Variants in FBXL19 observed in about 807,000 individuals in gnomAD.
The protein encoded by FBXL19 is F-box/LRR-repeat protein 19.
FBXL19 carries 16 observed loss-of-function variants against 71.2 expected under a neutral mutation model. The ratio of observed to expected loss-of-function variants is 0.22; its 90% CI spans 0.15 to 0.34. The LOEUF (loss-of-function observed/expected upper bound fraction) is 0.34. FBXL19 is among the 10% of genes least tolerant of loss of function. FBXL19 has a pLI of 1.00. For synonymous variants in FBXL19, 447 were observed against 409.4 expected (o/e 1.09, Z -1.11); for missense variants, 658 against 968.2 (o/e 0.68, Z 4.25).
chr16:30,934,714 G>GTAAC (rs1269489697), intron 7 of FBXL19, among the ~76,000 whole-genome samples: 5 of 152,120 alleles, frequency 3.3e-5, no homozygotes, highest in Non-Finnish European at 7.4e-5. Flanking sequence ...GGACAGCAGG[G>GTAAC]TAACCCTCAG....
chr16:30,943,032 G>A (rs970257672), intron 9 of FBXL19, among the ~76,000 whole-genome samples: 4 of 152,240 alleles, frequency 2.6e-5, no homozygotes, highest in African/African-American at 9.6e-5. Flanking sequence ...AGCTCCCTGA[G>A]GGCAAGCGCT....
chr16:30,929,945 G>C (rs1040703856), intron 6 of FBXL19, 128 bp from the exon 7 acceptor site: 3 of 1,285,696 alleles, frequency 2.3e-6, no homozygotes, highest in African/African-American at 3.0e-5. Flanking sequence ...CTCACTGTCC[G>C]GAGCAGAGCC....
chr16:30,931,761 C>T (rs1394966233), intron 7 of FBXL19, among the ~76,000 whole-genome samples: 1 of 152,064 alleles, frequency 6.6e-6, no homozygotes, highest in African/African-American at 2.4e-5. Context: ...GAGCCTCACT[C>T]TGTGGCCCAG....
intron 7 of FBXL19, among the ~76,000 whole-genome samples, chr16:30,931,830 G>T (rs1017132484): frequency 6.6e-6 from 1 of 151,780 alleles, no homozygotes; most frequent in African/African-American, 2.4e-5. Flanking sequence ...GGGTTCAAGC[G>T]ATTCCCCTGC....
intron 7 of FBXL19, among the ~76,000 whole-genome samples, chr16:30,934,262 C>G (rs2055707397): frequency 6.6e-6 from 1 of 151,608 alleles, no homozygotes; most frequent in Non-Finnish European, 1.5e-5. Context: ...ACTTGGGAGA[C>G]TGGGACAGGA....
Position 30,930,474 on chromosome 16 carries a change from T to C in FBXL19, c.1191T>C (p.Ala397=), listed in dbSNP as rs2055660190. 2.0e-6 allele frequency: 3 copies of C among 1,534,028 alleles called. No homozygotes were observed. The highest frequency in any genetic ancestry group is 2.6e-6 in the Non-Finnish European group (3 of 1,145,738). Residue 397 remains alanine (A), a synonymous_variant, in exon 7 of 11, where the codon GCT becomes GCC. Coordinates refer to ENST00000338343, the MANE Select transcript of FBXL19 (RefSeq NM_001382779.1). The surrounding 1 kb of genome is among the most constrained non-coding windows in gnomAD (Gnocchi z 8.5). ...CTGAGCCCGACACACTCCCCTTGGC[T>C]GCTGGATCCGACCACCCCCTGCCCC... ...RSPEPDTLPL[A]AGSDHPLPRA...
intron 7 of FBXL19, among the ~76,000 whole-genome samples, chr16:30,937,032 G>A (rs930985913): frequency 6.6e-5 from 10 of 152,188 alleles, no homozygotes; most frequent in East Asian, 1.9e-4. Context: ...GTGAGCCACC[G>A]CACACGCTTG....
intron 9 of FBXL19, among the ~76,000 whole-genome samples, chr16:30,944,124 ATTCAG>A (rs1248758229): frequency 1.4e-5 from 2 of 146,920 alleles, no homozygotes; most frequent in African/African-American, 2.5e-5. Flanking sequence ...TCCTGCTGGA[ATTCAG>A]TTCAGTTCAG....
At position 30,930,329 on chromosome 16, in the gene FBXL19, G is replaced by T. The variant is rs1211961466; in HGVS notation, c.1046G>T (p.Gly349Val). 1 of 1,601,384 alleles carries T rather than the reference G, an allele frequency of 6.2e-7. No individual in the cohort carries two copies. Among genetic ancestry groups the T allele is most frequent in the Middle Eastern group, 1.7e-4 (1 of 5,990 alleles). Residue 349 changes from glycine (G) to valine (V), a missense_variant, in exon 7 of 11, where the codon GGG becomes GTG. Gly to Val is a moderately radical substitution (Grantham distance 109). Coordinates refer to ENST00000338343, the MANE Select transcript of FBXL19 (RefSeq NM_001382779.1). The surrounding 1 kb of genome is among the most constrained non-coding windows in gnomAD (Gnocchi z 8.5). The stretch of plus-strand genomic sequence containing the variant: ...TCTGGCGAGAAGGAGAACCGTGGGG[G>T]GCGGCGGGCTGTGCGCCCTGGCAGT... ...GSSGEKENRG[G>V]RRAVRPGSGG...
At chr16:30,945,289 T>C (rs2055845252) in intron 9 of FBXL19, among the ~76,000 whole-genome samples, 1 of 152,126 alleles carries the variant, frequency 6.6e-6, no homozygotes, top group Admixed American at 6.6e-5. Flanking sequence ...ATCAGAGATC[T>C]TGTCTCCCAA....
intron 7 of FBXL19, among the ~76,000 whole-genome samples, chr16:30,935,514 TG>T (rs1194570923): frequency 6.6e-6 from 1 of 151,944 alleles, no homozygotes; most frequent in Non-Finnish European, 1.5e-5. Flanking sequence ...GGAAGAGGGT[TG>T]GGGCTTTTGA....
At chr16:30,927,082 G>A (rs1186090053) in intron 2 of FBXL19, among the ~76,000 whole-genome samples, 1 of 152,200 alleles carries the variant, frequency 6.6e-6, no homozygotes, top group Non-Finnish European at 1.5e-5. Context: ...AGAGTCCTGC[G>A]AGGGAAAGAT....
At position 30,930,438 on chromosome 16, in the gene FBXL19, G is replaced by A. The variant is rs763734364; in HGVS notation, c.1155G>A (p.Pro385=). ...TGGAGCGGCACGTGGTGCGGCCCCCGCCTCGAAGCCCTGAGCCCGACACAC... is the reference window on the plus strand; with the variant it reads ...TGGAGCGGCACGTGGTGCGGCCCCCACCTCGAAGCCCTGAGCCCGACACAC... ...PQLERHVVRP[P]PRSPEPDTLP... The change falls in exon 7 of 11, where the codon CCG becomes CCA. Residue 385 remains proline, a synonymous_variant. Transcript: ENST00000338343. This position sits in a 1 kb window ranked among gnomAD's most constrained non-coding sequence, Gnocchi z 8.5. The A allele has an allele frequency of 5.2e-6, 8 of 1,530,270 alleles. No individual in the cohort carries two copies. Among genetic ancestry groups the A allele is most frequent in the Admixed American group, 4.0e-5 (2 of 50,014 alleles). 94.8% of individuals were successfully genotyped at this position (1,530,270 alleles called of 1,614,324 possible).
chr16:30,948,131 G>T lies in FBXL19; in HGVS notation c.*901G>T, dbSNP rs940527391. ...GACCGGGCCGGTGGGCGCCCATTTGGGACTGCGCCACCCCCAGGCTTGTTC... is the reference window on the plus strand; with the variant it reads ...GACCGGGCCGGTGGGCGCCCATTTGTGACTGCGCCACCCCCAGGCTTGTTC... On this transcript the variant is annotated 3_prime_UTR_variant, in exon 11 of 11. Transcript: ENST00000338343. The T allele has an allele frequency of 4.5e-6, 1 of 222,226 alleles. No individual in the cohort carries two copies. 13.8% of individuals were successfully genotyped at this position (222,226 alleles called of 1,614,324 possible). A position where few individuals can be genotyped will look rare whatever the true frequency, so the allele number is the denominator to read the frequency against.
Position 30,927,810 on chromosome 16 carries a change from C to T in FBXL19, c.474C>T (p.Ser158=). 6.4e-7 allele frequency: 1 copy of T among 1,550,582 alleles called. No individual in the cohort carries two copies. The highest frequency in any genetic ancestry group is 2.4e-5 in the East Asian group (1 of 41,034). The change falls in exon 5 of 11, where the codon AGC becomes AGT. Residue 158 remains serine (S), a synonymous_variant. Coordinates refer to ENST00000338343, the MANE Select transcript of FBXL19 (RefSeq NM_001382779.1). The part of the protein sequence containing the change: ...DNGEEGASLG[S]GWKLTEEPPL... ...GCGAGGAGGGCGCCAGCTTGGGGAG[C>T]GGATGGAAGCTGACAGAGGAGCCAC... is the stretch of plus-strand genomic sequence containing the variant.
At chr16:30,941,867 C>T (rs2055805852) in intron 7 of FBXL19, among the ~76,000 whole-genome samples, 1 of 152,212 alleles carries the variant, frequency 6.6e-6, no homozygotes, top group South Asian at 2.1e-4. Context: ...GGGCTATTGC[C>T]TTCAATCATA....
chr16:30,923,085 C>A (rs1322803262), upstream of FBXL19: 1 of 456,808 alleles, frequency 2.2e-6, no homozygotes, highest in Non-Finnish European at 4.4e-6. Flanking sequence ...TCCTTTTCAC[C>A]TTTCCATTGT....
intron 7 of FBXL19, among the ~76,000 whole-genome samples, chr16:30,936,800 T>A (rs539428618): frequency 7.0e-6 from 1 of 143,310 alleles, no homozygotes; most frequent in African/African-American, 2.6e-5. Context: ...TGGAGTGGAA[T>A]GCTGTGGTCT....
chr16:30,944,169 CTTTTTT>C (rs761103868), intron 9 of FBXL19, among the ~76,000 whole-genome samples: 2 of 62,936 alleles, frequency 3.2e-5, no homozygotes, highest in East Asian at 4.3e-4. Context: ...GAAGGTGGGC[CTTTTTT>C]TTTTTTTTTT....
Sources: allele counts gnomAD v4.1 joint callset (sites outside exome capture counted in the v4.1 genomes callset), GRCh38; gene constraint gnomAD v4.1.1; non-coding constraint Gnocchi (gnomAD v3.1); transcripts MANE v1.5; gene names NCBI Gene and HGNC (gene_info 2026-07-23, HGNC 2026-07-21).